Variants in GPR176 observed in about 807,000 individuals in gnomAD.
The protein encoded by GPR176 is G protein-coupled receptor 176, also known as G-protein coupled receptor 176.
GPR176 carries 26 observed loss-of-function variants against 35.4 expected under a neutral mutation model. The observed-to-expected ratio is 0.74, with a 90% CI of 0.54 to 1.02. GPR176 has a LOEUF of 1.02. GPR176 is among the 50% of genes least tolerant of loss of function. GPR176 has a pLI of 0.00. For synonymous variants in GPR176, 278 were observed against 271.3 expected, an observed-to-expected ratio of 1.02 and a Z score of -0.24; for missense variants, 597 against 665.3, an observed-to-expected ratio of 0.90 and a Z score of 1.13.
At chr15:39,869,228 TA>T (rs1317243883) in intron 1 of GPR176, among the ~76,000 whole-genome samples, 1 of 151,822 alleles carries the variant, frequency 6.6e-6, no homozygotes, top group African/African-American at 2.4e-5. Flanking sequence ...CATTTTACTT[TA>T]AAAAGGACTC....
chr15:39,859,491 G>GAGA (rs1555407208), intron 1 of GPR176, among the ~76,000 whole-genome samples: 1 of 143,708 alleles, frequency 7.0e-6, no homozygotes, highest in Admixed American at 6.9e-5. Context: ...TGGCCACTGT[G>GAGA]AAAAAAAAAA....
At position 39,878,098 on chromosome 15, in the gene GPR176, G is replaced by C. The variant is rs140434258; in HGVS notation, c.172+41757C>G. Reference sequence around the variant, plus strand: ...TATCCATCACCTCCCATAGTTACCTGTGTGTGTGTGTGTGTGTGTGTGTGT... The same window carrying C: ...TATCCATCACCTCCCATAGTTACCTCTGTGTGTGTGTGTGTGTGTGTGTGT... On this transcript the variant is annotated intron_variant, in intron 1 of 2. Transcript: ENST00000561100. Among the ~76,000 whole-genome samples the C allele has an allele frequency of 5.0e-3, 650 of 129,020 alleles. 9 individuals are homozygous for C. The highest frequency in any genetic ancestry group is 0.018 in the African/African-American group (624 of 34,144). The allele number at this position is 129,020 out of a possible 152,430, so 84.6% of individuals were successfully genotyped here. A position where few individuals can be genotyped will look rare whatever the true frequency, so the allele number is the denominator to read the frequency against.
At chr15:39,825,434 T>C (rs762707292) in intron 1 of GPR176, among the ~76,000 whole-genome samples, 1 of 152,170 alleles carries the variant, frequency 6.6e-6, no homozygotes, top group Non-Finnish European at 1.5e-5. Flanking sequence ...TTCTCCATTA[T>C]CATTATTTCA....
At chr15:39,853,681 G>T (rs1399727416) in intron 1 of GPR176, among the ~76,000 whole-genome samples, 3 of 152,114 alleles carry the variant, frequency 2.0e-5, no homozygotes, top group African/African-American at 7.2e-5. Context: ...GGCAATGTAA[G>T]GAGACATTTT....
At chr15:39,839,006 T>G (rs1901577914) in intron 1 of GPR176, among the ~76,000 whole-genome samples, 1 of 152,060 alleles carries the variant, frequency 6.6e-6, no homozygotes, top group South Asian at 2.1e-4. Flanking sequence ...AAAATCAACA[T>G]GCAAAAATCA....
intron 1 of GPR176, among the ~76,000 whole-genome samples, chr15:39,912,515 G>A (rs1482379120): frequency 6.6e-6 from 1 of 151,800 alleles, no homozygotes; most frequent in Non-Finnish European, 1.5e-5. Context: ...GCTACTTGGA[G>A]GCCGAGGTAG....
At chr15:39,863,153 G>A (rs1938336652) in intron 1 of GPR176, among the ~76,000 whole-genome samples, 1 of 150,554 alleles carries the variant, frequency 6.6e-6, no homozygotes, top group Admixed American at 6.6e-5. Flanking sequence ...TCCGACTCCT[G>A]GGTTCATGCC....
In GPR176 at chr15:39,800,483, A is replaced by G. The variant is rs1441733173; in HGVS notation, c.*649T>C. 2.0e-5 allele frequency: 3 copies of G among 152,308 alleles called. No homozygotes were observed. The highest frequency in any genetic ancestry group is 4.4e-5 in the Non-Finnish European group (3 of 68,216). The allele number at this position is 152,308 out of a possible 1,614,324, so 9.4% of individuals were successfully genotyped here. On this transcript the variant is annotated 3_prime_UTR_variant, in exon 3 of 3. Coordinates refer to ENST00000561100, the MANE Select transcript of GPR176 (RefSeq NM_007223.3). ...GAAAATCAGAATTATCAAGGACAAA[A>G]TATCTCCCTTACTCCCGGGCACATC... is the stretch of plus-strand genomic sequence containing the variant.
intron 1 of GPR176, among the ~76,000 whole-genome samples, chr15:39,858,746 C>T (rs912183850): frequency 6.6e-6 from 1 of 151,164 alleles, no homozygotes; most frequent in Non-Finnish European, 1.5e-5. Context: ...AATACAAATT[C>T]TTTTTTTTTC....
chr15:39,888,066 G>C (rs910419160), intron 1 of GPR176, among the ~76,000 whole-genome samples: 1 of 152,106 alleles, frequency 6.6e-6, no homozygotes, highest in Admixed American at 6.5e-5. Flanking sequence ...AGTTTGCCAC[G>C]CCTAGAGACT....
intron 1 of GPR176, chr15:39,813,467 T>C (rs1353357196): frequency 1.3e-5 from 2 of 152,244 alleles, no homozygotes; most frequent in African/African-American, 4.8e-5. Context: ...CACCCAGCAG[T>C]TGAAAGATAT....
At chr15:39,827,575 G>C (rs951750158) in intron 1 of GPR176, among the ~76,000 whole-genome samples, 1 of 152,124 alleles carries the variant, frequency 6.6e-6, no homozygotes, top group Non-Finnish European at 1.5e-5. Flanking sequence ...GGTTACTCTG[G>C]GGTCCCCTTG....
At chr15:39,868,811 T>C (rs146089083) in intron 1 of GPR176, among the ~76,000 whole-genome samples, 2 of 152,220 alleles carry the variant, frequency 1.3e-5, no homozygotes, top group African/African-American at 2.4e-5. Flanking sequence ...GTTGTGCCCA[T>C]ACGAAGGGGC....
At chr15:39,816,174 AC>A (rs796142703) in intron 1 of GPR176, among the ~76,000 whole-genome samples, 5 of 152,334 alleles carry the variant, frequency 3.3e-5, no homozygotes, top group African/African-American at 9.6e-5. Flanking sequence ...AAGGACACAA[AC>A]TTTCTGTTAG....
intron 1 of GPR176, chr15:39,894,543 G>T: frequency 5.4e-6 from 1 of 183,598 alleles, no homozygotes; most frequent in Admixed American, 6.1e-5. Flanking sequence ...TCCCAGACAG[G>T]GTCGCGGCCG....
intron 1 of GPR176, among the ~76,000 whole-genome samples, chr15:39,812,743 T>A (rs919864078): frequency 3.6e-4 from 10 of 27,820 alleles, no homozygotes; most frequent in African/African-American, 1.1e-3. Context: ...CTTCTAAGCT[T>A]TATTTTTTTT....
intron 1 of GPR176, among the ~76,000 whole-genome samples, chr15:39,914,060 C>T (rs545082454): frequency 5.9e-4 from 89 of 152,102 alleles, no homozygotes; most frequent in African/African-American, 2.1e-3. Context: ...AACAAACAAA[C>T]AAACAAACAA....
intron 1 of GPR176, among the ~76,000 whole-genome samples, chr15:39,905,447 CAAA>C (rs35302123): frequency 1.3e-4 from 12 of 91,114 alleles, no homozygotes; most frequent in African/African-American, 1.2e-4. Context: ...CTCGTCTCTA[CAAA>C]AAAAAAAAAA....
intron 1 of GPR176, among the ~76,000 whole-genome samples, chr15:39,826,548 A>G (rs369687211): frequency 2.1e-4 from 32 of 152,326 alleles, no homozygotes; most frequent in African/African-American, 7.5e-4. Flanking sequence ...CAAGGTGACC[A>G]TTGCAGAGCT....
Sources: gnomAD v4.1 joint callset for allele counts (sites outside exome capture counted in the v4.1 genomes callset) on GRCh38, gnomAD v4.1.1 for gene constraint, MANE v1.5 for transcripts, NCBI Gene and HGNC (gene_info 2026-07-23, HGNC 2026-07-21) for gene names.